EPG5: variants seen among roughly 807,000 people sequenced by gnomAD.
The protein encoded by EPG5 is ectopic P-granules 5 autophagy tethering factor.
EPG5 carries 159 observed loss-of-function variants against 302.7 expected under a neutral mutation model. The observed-to-expected ratio is 0.53, with a 90% CI of 0.46 to 0.60. The LOEUF is 0.60. Among genes scored for constraint, EPG5 ranks in the 20% least tolerant of loss-of-function variants. EPG5 has a pLI of 0.00. For missense variants in EPG5, 2,896 were observed against 3,092.4 expected, an observed-to-expected ratio of 0.94 and a Z score of 1.51; for synonymous variants, 1,158 against 1,136.8, an observed-to-expected ratio of 1.02 and a Z score of -0.37.
intron 36 of EPG5, 107 bp downstream of exon 36, chr18:45,870,460 G>A (rs2048844674): frequency 1.2e-6 from 1 of 868,894 alleles, no homozygotes; most frequent in South Asian, 3.1e-5. Context: ...ATGTATTCAT[G>A]GTCCACGCTA....
intron 4 of EPG5, 51 bp from the exon 5 acceptor site, chr18:45,949,642 TTATC>T (rs2050860962): frequency 1.6e-6 from 2 of 1,249,758 alleles, no homozygotes; most frequent in Non-Finnish European, 1.2e-6. Flanking sequence ...AAGAAATAAT[TTATC>T]TAGGGGTCTA....
intron 13 of EPG5, among the ~76,000 whole-genome samples, chr18:45,926,755 T>C (rs1401787243): frequency 6.7e-5 from 10 of 149,904 alleles, no homozygotes; most frequent in Admixed American, 5.3e-4. Context: ...GAGGTTGCAG[T>C]GAGCTGAGAT....
chr18:45,841,593 C>A, the EPG5 span, among the ~76,000 whole-genome samples: 1 of 151,992 alleles, frequency 6.6e-6, no homozygotes, highest in Non-Finnish European at 1.5e-5. Context: ...AGTGGGTAGA[C>A]GGGAGGCAGG....
rs1416731357 is a variant in EPG5, at chr18:45,852,462, G to A, written c.*5C>T. ...CAATGGGTTTTTCAAGAGCCTCAGT[G>A]TTAACTATCGTATGTGGTCCAAATA... On this transcript the variant is annotated 3_prime_UTR_variant, in exon 44 of 44. Coordinates refer to ENST00000282041, the MANE Select transcript of EPG5 (RefSeq NM_020964.3). 11 of 1,607,312 alleles carry A rather than the reference G, an allele frequency of 6.8e-6. No homozygotes were observed. Among genetic ancestry groups the A allele is most frequent in the Non-Finnish European group, 9.3e-6 (11 of 1,177,966 alleles).
chr18:45,966,604 C>A (rs2051269664), intron 1 of EPG5, among the ~76,000 whole-genome samples: 1 of 152,116 alleles, frequency 6.6e-6, no homozygotes, highest in South Asian at 2.1e-4. Context: ...CTGTGTGAGT[C>A]CCGCCCTGGG....
intron 1 of EPG5, among the ~76,000 whole-genome samples, chr18:45,963,595 A>G (rs1260361521): frequency 6.6e-6 from 1 of 152,182 alleles, no homozygotes; most frequent in Non-Finnish European, 1.5e-5. Flanking sequence ...AGATCACACC[A>G]CTTCACTCCA....
rs868167717 is a variant in EPG5 at position 45,932,829 on chromosome 18, G to A, written c.2257+1980C>T. 2.6e-5 allele frequency among the ~76,000 whole-genome samples: 4 copies of A among 152,230 alleles called. 1 individual carries two copies. The highest frequency in any genetic ancestry group is 6.8e-3 in the Middle Eastern group (2 of 294). On this transcript the variant is annotated intron_variant, in intron 11 of 43. Transcript: ENST00000282041. ...AGATAAAGATAAAAGTGCCGTGGAA[G>A]CCTGGAGTCCAGACAGAAAACTCCA...
At chr18:45,805,877 A>G in the EPG5 span, among the ~76,000 whole-genome samples, 2,659 of 152,348 alleles carry the variant, frequency 0.017, 81 homozygotes, top group African/African-American at 0.061. Context: ...AGGAAGAAAT[A>G]GACAATTCTA....
intron 3 of EPG5, among the ~76,000 whole-genome samples, chr18:45,951,769 A>G (rs1312363681): frequency 6.6e-6 from 1 of 152,058 alleles, no homozygotes; most frequent in African/African-American, 2.4e-5. Flanking sequence ...ATAATCCACT[A>G]TTTTTTATTT....
At chr18:45,935,043 A>T in intron 10 of EPG5, 77 bp from the exon 11 acceptor site, 1 of 1,391,094 alleles carries the variant, frequency 7.2e-7, no homozygotes. Context: ...ATTGGCTCTC[A>T]AGGAAAAAAA....
rs990655261 is a variant in EPG5 at position 45,879,938 on chromosome 18, G to T, written c.5667+137C>A. ...GCCATCTGGAAAAAGGGGACACGAG[G>T]GAACCAAAGCACTTAACACAAAGAA... is the stretch of plus-strand genomic sequence containing the variant. On this transcript the variant is annotated intron_variant, in intron 32 of 43. Transcript: ENST00000282041. 4 of 942,898 alleles carry T rather than the reference G, an allele frequency of 4.2e-6. No homozygotes were observed. In the African/African-American group the frequency reaches 6.6e-5, roughly 16 times the overall value. 58.4% of individuals were successfully genotyped at this position (942,898 alleles called of 1,614,324 possible). A position where few individuals can be genotyped will look rare whatever the true frequency, so the allele number is the denominator to read the frequency against.
intron 2 of EPG5, among the ~76,000 whole-genome samples, chr18:45,953,057 C>T (rs2050946563): frequency 6.6e-6 from 1 of 151,976 alleles, no homozygotes; most frequent in Non-Finnish European, 1.5e-5. Context: ...CCTATAATCC[C>T]AGCTACTCGG....
intron 16 of EPG5, 139 bp downstream of exon 16, chr18:45,922,202 T>C: frequency 9.6e-7 from 1 of 1,039,300 alleles, no homozygotes; most frequent in Non-Finnish European, 1.4e-6. Context: ...CTTGATAAGC[T>C]GTTAATCAAG....
chr18:45,920,049 A>T (rs986088786), intron 16 of EPG5, among the ~76,000 whole-genome samples: 1 of 152,144 alleles, frequency 6.6e-6, no homozygotes, highest in African/African-American at 2.4e-5. Flanking sequence ...CAAACACCTG[A>T]TCACCTCCAT....
At chr18:45,887,966 C>T in intron 28 of EPG5, 59 bp from the exon 29 acceptor site, 1 of 1,297,470 alleles carries the variant, frequency 7.7e-7, no homozygotes, top group Non-Finnish European at 1.0e-6. Context: ...ACTCACAAGG[C>T]CTTCTTTGAT....
intron 15 of EPG5, among the ~76,000 whole-genome samples, chr18:45,922,908 C>T (rs1023549997): frequency 6.6e-6 from 1 of 152,150 alleles, no homozygotes; most frequent in Non-Finnish European, 1.5e-5. Flanking sequence ...TCATATATAG[C>T]GCTTGTCAAT....
At chr18:45,896,629 G>A (rs2049483253) in intron 27 of EPG5, among the ~76,000 whole-genome samples, 1 of 151,950 alleles carries the variant, frequency 6.6e-6, no homozygotes, top group Admixed American at 6.6e-5. Context: ...ACTGCAGCCT[G>A]GACCTCCTGC....
the EPG5 span, among the ~76,000 whole-genome samples, chr18:45,813,725 T>C: frequency 6.1e-5 from 8 of 130,510 alleles, no homozygotes; most frequent in African/African-American, 2.4e-4. Flanking sequence ...TGAGAACACC[T>C]GGACACAGGA....
chr18:45,880,354 A>G, intron 31 of EPG5, 131 bp from the exon 32 acceptor site: 1 of 880,860 alleles, frequency 1.1e-6, no homozygotes, highest in Non-Finnish European at 1.6e-6. Flanking sequence ...TCACAGGGAT[A>G]TCTGGGGTGA....
Sources: allele counts gnomAD v4.1 joint callset (sites outside exome capture counted in the v4.1 genomes callset), GRCh38; gene constraint gnomAD v4.1.1; transcripts MANE v1.5; gene names NCBI Gene and HGNC (gene_info 2026-07-23, HGNC 2026-07-21).